The following NWD2 variants were observed in gnomAD, a reference collection of about 807,000 sequenced individuals.
The protein encoded by NWD2 is NACHT and WD repeat domain containing 2.
In NWD2, 37 loss-of-function variants were observed where a neutral mutation model predicts 132.7. The ratio of observed to expected loss-of-function variants is 0.28; its 90% confidence interval spans 0.21 to 0.37. NWD2 has a LOEUF of 0.37. NWD2 is among the 10% of genes least tolerant of loss of function. The pLI is 1.00. For missense variants in NWD2, 1,592 were observed against 2,122.4 expected (o/e 0.75, Z 4.91); for synonymous variants, 705 against 803.0 (o/e 0.88, Z 2.06).
At position 37,274,363 on chromosome 4, in the gene NWD2, C is replaced by A. The variant is rs908633915; in HGVS notation, c.151+29145C>A. 2.0e-5 allele frequency among the ~76,000 whole-genome samples: 3 copies of A among 152,256 alleles called. No homozygotes were observed. In the South Asian group the frequency reaches 6.2e-4, roughly 32 times the overall value. On this transcript the variant is annotated intron_variant, in intron 1 of 6. Transcript: ENST00000309447. ...GGATAAATTCCTCGACACATACACC[C>A]TCCCAAGACCAAACCAGGAAGAAGT...
intron 1 of NWD2, among the ~76,000 whole-genome samples, chr4:37,323,744 C>T (rs909252681): frequency 6.6e-6 from 1 of 152,022 alleles, no homozygotes; most frequent in African/African-American, 2.4e-5. Flanking sequence ...CACTTGTATG[C>T]TCATTGCTGC....
At position 37,444,371 on chromosome 4, in the gene NWD2, G is replaced by A; in HGVS notation, c.2383G>A (p.Glu795Lys). 6.4e-7 allele frequency: 1 copy of A among 1,552,124 alleles called. No individual in the cohort carries two copies. Among genetic ancestry groups the A allele is most frequent in the South Asian group, 1.2e-5 (1 of 84,062 alleles). Residue 795 changes from glutamate to lysine, a missense_variant, in exon 7 of 7, where the codon GAG becomes AAG. By Grantham distance (56) the Glu-to-Lys change is moderately conservative. This residue lies in a region of NWD2 where 1,071 missense variants were observed against 1,398.0 expected (regional missense o/e 0.77). Coordinates refer to ENST00000309447, the MANE Select transcript of NWD2 (RefSeq NM_001144990.2). The surrounding 1 kb of genome is among the most constrained non-coding windows in gnomAD (Gnocchi z 4.8). ...CLDLENRSLLEEEKHFMEQAS... is the reference protein window; with the variant it reads ...CLDLENRSLLKEEKHFMEQAS... ...TGACTTGGAGAACAGAAGTTTGCTG[G>A]AGGAAGAAAAGCACTTCATGGAACA...
At chr4:37,419,171 T>C (rs570130860) in intron 3 of NWD2, among the ~76,000 whole-genome samples, 2 of 152,304 alleles carry the variant, frequency 1.3e-5, no homozygotes, top group South Asian at 4.1e-4. Context: ...ATTTAATAAA[T>C]GGTGTTGGGA....
At chr4:37,361,016 A>G (rs2889465) in intron 3 of NWD2, among the ~76,000 whole-genome samples, 1 of 151,856 alleles carries the variant, frequency 6.6e-6, no homozygotes, top group Non-Finnish European at 1.5e-5. Flanking sequence ...ATCCTCAGGG[A>G]CTATACAAAA....
At chr4:37,333,108 A>C (rs1014109527) in intron 2 of NWD2, among the ~76,000 whole-genome samples, 9 of 151,832 alleles carry the variant, frequency 5.9e-5, no homozygotes, top group African/African-American at 2.2e-4. Flanking sequence ...GAGGTTTCCA[A>C]CTCCAGGCCC....
intron 1 of NWD2, among the ~76,000 whole-genome samples, chr4:37,290,366 TATGGCCCTGAACA>T (rs1718333360): frequency 1.3e-5 from 2 of 152,192 alleles, no homozygotes; most frequent in African/African-American, 4.8e-5. Flanking sequence ...GCAGTGGGGA[TATGGCCCTGAACA>T]AGATAGACAT....
intron 3 of NWD2, among the ~76,000 whole-genome samples, chr4:37,404,826 A>G (rs1030922817): frequency 1.3e-5 from 2 of 152,204 alleles, no homozygotes; most frequent in Non-Finnish European, 2.9e-5. Context: ...CAGTAGCAAT[A>G]GAGAGAGGGG....
chr4:37,355,180 T>C (rs555121420), intron 2 of NWD2, among the ~76,000 whole-genome samples: 1 of 152,346 alleles, frequency 6.6e-6, no homozygotes, highest in African/African-American at 2.4e-5. Flanking sequence ...AATTGGATAA[T>C]GAAGTTACCT....
chr4:37,418,845 A>G (rs1711713055), intron 3 of NWD2, among the ~76,000 whole-genome samples: 1 of 152,062 alleles, frequency 6.6e-6, no homozygotes, highest in Admixed American at 6.6e-5. Context: ...CTGACTTTTT[A>G]ATGATCACCA....
chr4:37,438,276 A>G (rs1014989167), intron 5 of NWD2, among the ~76,000 whole-genome samples: 4 of 150,976 alleles, frequency 2.6e-5, no homozygotes, highest in Non-Finnish European at 4.4e-5. Flanking sequence ...AAAAAAAAAA[A>G]GAAAAAAAAA....
intron 3 of NWD2, among the ~76,000 whole-genome samples, chr4:37,357,156 C>T (rs1349937754): frequency 2.1e-5 from 3 of 146,286 alleles, no homozygotes; most frequent in Non-Finnish European, 4.6e-5. Flanking sequence ...CTTAATTTAG[C>T]TTAAGAAAGA....
chr4:37,363,730 G>C (rs1175494931), intron 3 of NWD2, among the ~76,000 whole-genome samples: 2 of 152,152 alleles, frequency 1.3e-5, no homozygotes, highest in Non-Finnish European at 2.9e-5. Context: ...CTGGGTGATG[G>C]GATCAGTCGT....
chr4:37,265,717 T>C (rs971085242), intron 1 of NWD2, among the ~76,000 whole-genome samples: 2 of 152,022 alleles, frequency 1.3e-5, no homozygotes, highest in African/African-American at 4.8e-5. Context: ...TTCCTCCTCT[T>C]ATGCTGATCC....
At chr4:37,424,732 A>G (rs1552020) in intron 3 of NWD2, among the ~76,000 whole-genome samples, 149,641 of 152,280 alleles carry the variant, frequency 0.98, 73,569 homozygotes, top group Middle Eastern at 1. Flanking sequence ...GCCCAACAAA[A>G]CATGGCATCC....
At chr4:37,280,172 A>G (rs1718100746) in intron 1 of NWD2, among the ~76,000 whole-genome samples, 2 of 152,246 alleles carry the variant, frequency 1.3e-5, no homozygotes, top group South Asian at 4.1e-4. Flanking sequence ...TTAAGTTCCT[A>G]TGACATATTT....
chr4:37,305,039 G>A (rs1245803547), intron 1 of NWD2, among the ~76,000 whole-genome samples: 4 of 152,212 alleles, frequency 2.6e-5, no homozygotes, highest in Non-Finnish European at 4.4e-5. Context: ...TCTAGGTGGA[G>A]GTTCTCAAAC....
intron 1 of NWD2, among the ~76,000 whole-genome samples, chr4:37,253,714 C>T (rs1199338541): frequency 3.9e-5 from 6 of 152,274 alleles, no homozygotes; most frequent in South Asian, 2.1e-4. Context: ...GTTCTTAGCA[C>T]GGCCTTGGGA....
At chr4:37,425,978 T>C (rs1289762776) in intron 3 of NWD2, among the ~76,000 whole-genome samples, 4 of 152,214 alleles carry the variant, frequency 2.6e-5, no homozygotes, top group Non-Finnish European at 5.9e-5. Context: ...CCTCTTGAAC[T>C]TGGTCTTCCA....
At chr4:37,293,789 A>AG (rs1718416258) in intron 1 of NWD2, among the ~76,000 whole-genome samples, 1 of 152,024 alleles carries the variant, frequency 6.6e-6, no homozygotes, top group African/African-American at 2.4e-5. Context: ...AATAATGTGG[A>AG]GTATGCCTTC....
Sources: gnomAD v4.1 joint callset for allele counts (sites outside exome capture counted in the v4.1 genomes callset) on GRCh38, gnomAD v4.1.1 for gene constraint, gnomAD v4.1.1 regional missense constraint, Gnocchi (gnomAD v3.1) non-coding constraint, MANE v1.5 for transcripts, NCBI Gene and HGNC (gene_info 2026-07-23, HGNC 2026-07-21) for gene names.